The following FAM171B variants were observed in gnomAD, a reference collection of about 807,000 sequenced individuals.
FAM171B encodes protein FAM171B.
A neutral mutation model predicts 75.6 loss-of-function variants in FAM171B; 19 were observed. That is an observed-to-expected ratio of 0.25 (90% CI 0.18 to 0.37). The LOEUF (loss-of-function observed/expected upper bound fraction) is 0.37. Among genes scored for constraint, FAM171B ranks in the 10% least tolerant of loss-of-function variants. The pLI is 1.00. For synonymous variants in FAM171B, 367 were observed against 361.7 expected, an observed-to-expected ratio of 1.01 and a Z score of -0.17; for missense variants, 848 against 982.4, an observed-to-expected ratio of 0.86 and a Z score of 1.83.
chr2:186,714,869 C>A (rs543137495), intron 1 of FAM171B, among the ~76,000 whole-genome samples: 1 of 152,044 alleles, frequency 6.6e-6, no homozygotes, highest in Non-Finnish European at 1.5e-5. Flanking sequence ...ATAAGGCAGC[C>A]GTGTCTAGAT....
At chr2:186,736,521 CTGAAA>C (rs1379521532) in intron 1 of FAM171B, among the ~76,000 whole-genome samples, 1 of 122,784 alleles carries the variant, frequency 8.1e-6, no homozygotes, top group Non-Finnish European at 1.7e-5. Context: ...AGGAGGTATA[CTGAAA>C]TATGTTTGTG....
At position 186,762,242 on chromosome 2, in the gene FAM171B, C is replaced by T. The variant is rs2105794079; in HGVS notation, c.1900C>T (p.Pro634Ser). ...SSSLLESVSV[P>S]GTLNEAVVMT... ...CAGCTTACTGGAATCCGTCTCTGTT[C>T]CTGGAACACTAAATGAGGCTGTTGT... Residue 634 changes from proline (P) to serine (S), a missense_variant, in exon 8 of 8, where the codon CCT (proline) becomes TCT (serine). Pro to Ser is a moderately conservative substitution (Grantham distance 74, BLOSUM62 -1). Transcript: ENST00000304698. The surrounding 1 kb of genome is among the most constrained non-coding windows in gnomAD (Gnocchi z 4.0). 6.2e-7 allele frequency: 1 copy of T among 1,613,712 alleles called. No individual in the cohort carries two copies. The highest frequency in any genetic ancestry group is 8.5e-7 in the Non-Finnish European group (1 of 1,179,792).
chr2:186,702,407 A>G (rs953464019), intron 1 of FAM171B, among the ~76,000 whole-genome samples: 3 of 152,220 alleles, frequency 2.0e-5, no homozygotes, highest in Non-Finnish European at 4.4e-5. Flanking sequence ...ATTAATTGCT[A>G]TATAACTGTG....
At chr2:186,745,040 G>A (rs1045255331) in intron 3 of FAM171B, among the ~76,000 whole-genome samples, 4 of 152,046 alleles carry the variant, frequency 2.6e-5, no homozygotes, top group Admixed American at 6.5e-5. Context: ...ATGTTGGCCA[G>A]GCTGGTCTCA....
intron 1 of FAM171B, among the ~76,000 whole-genome samples, chr2:186,705,043 T>C (rs941727362): frequency 2.0e-5 from 3 of 152,192 alleles, no homozygotes; most frequent in African/African-American, 7.2e-5. Flanking sequence ...AGGAATTCAA[T>C]GGTGAGTCAG....
intron 1 of FAM171B, among the ~76,000 whole-genome samples, chr2:186,704,781 G>C (rs1689711411): frequency 6.6e-6 from 1 of 152,208 alleles, no homozygotes; most frequent in South Asian, 2.1e-4. Context: ...TAGGAGAGAA[G>C]TCTATGCATC....
intron 1 of FAM171B, among the ~76,000 whole-genome samples, chr2:186,703,523 T>C (rs1689692455): frequency 6.6e-6 from 1 of 152,222 alleles, no homozygotes; most frequent in Non-Finnish European, 1.5e-5. Context: ...ATTCCTCTGC[T>C]TTTTAATAAT....
chr2:186,748,536 A>C (rs757482677), intron 4 of FAM171B, among the ~76,000 whole-genome samples: 4 of 152,196 alleles, frequency 2.6e-5, no homozygotes, highest in Non-Finnish European at 5.9e-5. Flanking sequence ...CAAGAAGCAG[A>C]CTTGGCCATC....
chr2:186,746,990 G>C, intron 3 of FAM171B, 102 bp from the exon 4 acceptor site: 1 of 813,970 alleles, frequency 1.2e-6, no homozygotes, highest in East Asian at 2.7e-5. Flanking sequence ...ATGATGTTTA[G>C]CAATAATTAT....
At chr2:186,696,311 A>G (rs1437185281) in intron 1 of FAM171B, among the ~76,000 whole-genome samples, 2 of 151,924 alleles carry the variant, frequency 1.3e-5, no homozygotes, top group African/African-American at 2.4e-5. Context: ...TTATTGGAAT[A>G]TTGAGTCTTA....
intron 1 of FAM171B, among the ~76,000 whole-genome samples, chr2:186,695,453 T>A (rs1689566339): frequency 6.6e-6 from 1 of 152,150 alleles, no homozygotes; most frequent in Non-Finnish European, 1.5e-5. Flanking sequence ...TATTATGACG[T>A]TTGTTTTTGT....
intron 1 of FAM171B, among the ~76,000 whole-genome samples, chr2:186,701,090 T>TG (rs1553508834): frequency 2.6e-5 from 4 of 152,004 alleles, no homozygotes; most frequent in South Asian, 4.2e-4. Context: ...CTAAGTTTTG[T>TG]ATTTTTTTTT....
At chr2:186,724,033 A>C (rs1689994406) in intron 1 of FAM171B, among the ~76,000 whole-genome samples, 2 of 152,196 alleles carry the variant, frequency 1.3e-5, no homozygotes, top group Non-Finnish European at 2.9e-5. Context: ...AATGAACCTA[A>C]TGAGTAAGTT....
At chr2:186,726,120 A>G (rs1258436348) in intron 1 of FAM171B, among the ~76,000 whole-genome samples, 2 of 152,208 alleles carry the variant, frequency 1.3e-5, no homozygotes, top group Admixed American at 6.5e-5. Flanking sequence ...GTCCTAATGG[A>G]TAAAAAGTAT....
At chr2:186,695,557 CA>C (rs1197456533) in intron 1 of FAM171B, among the ~76,000 whole-genome samples, 1 of 152,136 alleles carries the variant, frequency 6.6e-6, no homozygotes, top group Non-Finnish European at 1.5e-5. Context: ...TGCTCATCGT[CA>C]AAAAGCAGTA....
intron 3 of FAM171B, among the ~76,000 whole-genome samples, chr2:186,744,405 T>C (rs564832548): frequency 2.6e-4 from 39 of 152,164 alleles, no homozygotes; most frequent in Non-Finnish European, 4.8e-4. Flanking sequence ...ACCAGAAAAT[T>C]TACTATTATT....
rs1177789289 is a variant in FAM171B at position 186,735,082 on chromosome 2, C to T, written c.239-5146C>T. ...GTGCCCAGGAGTGTGGGCTCCTGCC[C>T]CACCAACTCGGTAGGGGCAGGGCTC... On this transcript the variant is annotated intron_variant, in intron 1 of 7. Coordinates refer to ENST00000304698, the MANE Select transcript of FAM171B (RefSeq NM_177454.4). Among the ~76,000 whole-genome samples, 3 of 152,256 alleles carry T rather than the reference C, an allele frequency of 2.0e-5. No homozygotes were observed. The East Asian group carries it at 5.8e-4, about 30-fold the overall frequency.
intron 5 of FAM171B, among the ~76,000 whole-genome samples, chr2:186,751,999 C>T (rs1690463076): frequency 6.6e-6 from 1 of 152,178 alleles, no homozygotes; most frequent in African/African-American, 2.4e-5. Flanking sequence ...TCCTCCTTCA[C>T]TCTCATCTGT....
chr2:186,731,074 C>T (rs913382390), intron 1 of FAM171B, among the ~76,000 whole-genome samples: 1 of 152,170 alleles, frequency 6.6e-6, no homozygotes, highest in Non-Finnish European at 1.5e-5. Context: ...TTCAGTTTGT[C>T]TCTCATGCGG....
Sources: allele counts gnomAD v4.1 joint callset (sites outside exome capture counted in the v4.1 genomes callset), GRCh38; gene constraint gnomAD v4.1.1; non-coding constraint Gnocchi (gnomAD v3.1); transcripts MANE v1.5; gene names NCBI Gene and HGNC (gene_info 2026-07-23, HGNC 2026-07-21).